MRTFB: variants seen among roughly 807,000 people sequenced by gnomAD.
MRTFB encodes myocardin-related transcription factor B.
Under a neutral mutation model 104.2 loss-of-function variants are expected in MRTFB, and 29 were observed. The ratio of observed to expected loss-of-function variants is 0.28; its 90% confidence interval spans 0.21 to 0.38. MRTFB has a LOEUF of 0.38. Among genes scored for constraint, MRTFB ranks in the 10% least tolerant of loss-of-function variants. MRTFB has a pLI of 1.00. For missense variants in MRTFB, 1,270 were observed against 1,341.6 expected, an observed-to-expected ratio of 0.95 and a Z score of 0.83; for synonymous variants, 535 against 519.5, an observed-to-expected ratio of 1.03 and a Z score of -0.41.
chr16:14,115,470 A>C (rs1029177487), intron 2 of MRTFB, among the ~76,000 whole-genome samples: 7 of 152,172 alleles, frequency 4.6e-5, no homozygotes, highest in Admixed American at 6.5e-5. Flanking sequence ...TCAGTAACCT[A>C]ATTTGCCCCA....
chr16:14,098,044 C>T (rs1364928307), intron 2 of MRTFB, among the ~76,000 whole-genome samples: 1 of 152,134 alleles, frequency 6.6e-6, no homozygotes, highest in Admixed American at 6.5e-5. Flanking sequence ...TGGGCTATTA[C>T]AAATAAAATC....
At chr16:14,124,620 C>G (rs144217817) in intron 2 of MRTFB, among the ~76,000 whole-genome samples, 1 of 152,008 alleles carries the variant, frequency 6.6e-6, no homozygotes, top group East Asian at 1.9e-4. Context: ...GAAGCCGACT[C>G]GTGGTGGATG....
At chr16:14,130,326 TTCTAGAGTTCTGAAAC>T (rs1003682883) in intron 2 of MRTFB, among the ~76,000 whole-genome samples, 1 of 152,212 alleles carries the variant, frequency 6.6e-6, no homozygotes, top group Non-Finnish European at 1.5e-5. Flanking sequence ...TTTTGTCAAT[TTCTAGAGTTCTGAAAC>T]CATTGTTTTT....
At chr16:14,093,806 C>T (rs746797481) in intron 2 of MRTFB, among the ~76,000 whole-genome samples, 1 of 152,108 alleles carries the variant, frequency 6.6e-6, no homozygotes, top group Non-Finnish European at 1.5e-5. Context: ...ATTTCTGTGC[C>T]AGGATCCCAG....
At chr16:14,007,213 C>A in the MRTFB span, among the ~76,000 whole-genome samples, 2 of 152,164 alleles carry the variant, frequency 1.3e-5, 1 homozygote, top group African/African-American at 4.8e-5. Flanking sequence ...CATCACCCAC[C>A]AGTCTCCCCA....
chr16:14,156,909 T>G (rs190380637), intron 3 of MRTFB, among the ~76,000 whole-genome samples: 63 of 152,232 alleles, frequency 4.1e-4, no homozygotes, highest in Admixed American at 1.0e-3. Context: ...GAATAATAGA[T>G]CTATCACGGG....
At position 14,231,264 on chromosome 16, in the gene MRTFB, C is replaced by T. The variant is rs534930992; in HGVS notation, c.694-2882C>T. On this transcript the variant is annotated intron_variant, in intron 8 of 16. Transcript: ENST00000571589. Reference sequence around the variant, plus strand: ...TAACCTGCACATTGTGCACATGTACCCTAAAACTTAAAGTATAATAATAAT... The same window carrying T: ...TAACCTGCACATTGTGCACATGTACTCTAAAACTTAAAGTATAATAATAAT... Among the ~76,000 whole-genome samples, 523 of 150,220 alleles carry T rather than the reference C, an allele frequency of 3.5e-3. 3 individuals carry two copies. Among genetic ancestry groups the T allele is most frequent in the African/African-American group, 0.013 (506 of 40,388 alleles).
chr16:14,017,641 GTA>G, the MRTFB span, among the ~76,000 whole-genome samples: 626 of 58,950 alleles, frequency 0.011, 58 homozygotes, highest in African/African-American at 0.035. Context: ...ATATATATAT[GTA>G]TATATGTGTG....
Position 14,261,278 on chromosome 16 carries a change from CCTGT to C in MRTFB, c.3141_3144del (p.Leu1049ThrfsTer40). 1 of 1,614,142 alleles carries C rather than the reference CCTGT, an allele frequency of 6.2e-7. No homozygotes were observed. Among genetic ancestry groups the C allele is most frequent in the Non-Finnish European group, 8.5e-7 (1 of 1,180,028 alleles). ...GAGACCCAGTTTGCTGCAGGTACTC[CCTGT>C]CTGTCTCTCGACCTGTCAGACTCAA... On this transcript the variant is annotated frameshift_variant, in exon 17 of 17. Transcript: ENST00000571589. LOFTEE classifies it high-confidence loss of function.
intron 3 of MRTFB, among the ~76,000 whole-genome samples, chr16:14,164,157 G>T (rs1236854139): frequency 6.6e-6 from 1 of 152,068 alleles, no homozygotes; most frequent in African/African-American, 2.4e-5. Flanking sequence ...AATTCCTTCT[G>T]TCTACCTGTA....
At chr16:14,005,633 T>A in the MRTFB span, among the ~76,000 whole-genome samples, 2 of 152,224 alleles carry the variant, frequency 1.3e-5, no homozygotes, top group African/African-American at 4.8e-5. Context: ...AAGGCCGTAC[T>A]ATTTTCTGCA....
At chr16:14,161,057 T>C (rs1409977424) in intron 3 of MRTFB, among the ~76,000 whole-genome samples, 2 of 151,586 alleles carry the variant, frequency 1.3e-5, no homozygotes, top group Non-Finnish European at 2.9e-5. Context: ...GCTTCTATTC[T>C]GTTCTGTTTT....
rs2034780960 is a variant in MRTFB at position 14,087,376 on chromosome 16, CTT to C, written c.-64+8024_-64+8025del. On this transcript the variant is annotated intron_variant, in intron 2 of 16. Coordinates refer to ENST00000571589, the MANE Select transcript of MRTFB (RefSeq NM_001308142.2). ...TTTCCTTCCTTCCTAACTCTGGGCACTTTGTTTAGTGTTGCGGCATGCTGGAA... is the reference window on the plus strand; with the variant it reads ...TTTCCTTCCTTCCTAACTCTGGGCACTGTTTAGTGTTGCGGCATGCTGGAA... Among the ~76,000 whole-genome samples the C allele has an allele frequency of 2.6e-5, 4 of 152,122 alleles. No homozygotes were observed. The South Asian group carries it at 8.3e-4, about 32-fold the overall frequency.
chr16:14,215,649 T>A (rs1263348643), intron 6 of MRTFB, among the ~76,000 whole-genome samples: 2 of 152,266 alleles, frequency 1.3e-5, no homozygotes, highest in African/African-American at 4.8e-5. Flanking sequence ...GTAATTCTTA[T>A]GTTCTGATTC....
rs2043928344 is a variant in MRTFB at position 14,265,801 on chromosome 16, T to G, written c.*4357T>G. ...GTGTCACAGCTTTGTGACAATAAGA[T>G]GGCAATCTCGGATCTACAAGGTGCT... On this transcript the variant is annotated 3_prime_UTR_variant, in exon 17 of 17. Coordinates refer to ENST00000571589, the MANE Select transcript of MRTFB (RefSeq NM_001308142.2). The G allele has an allele frequency of 6.6e-6, 1 of 152,246 alleles. No individual in the cohort carries two copies. The highest frequency in any genetic ancestry group is 1.5e-5 in the Non-Finnish European group (1 of 68,054). 9.4% of individuals were successfully genotyped at this position (152,246 alleles called of 1,614,324 possible). A position where few individuals can be genotyped will look rare whatever the true frequency, so the allele number is the denominator to read the frequency against.
At chr16:14,232,268 G>C (rs2042300351) in intron 8 of MRTFB, among the ~76,000 whole-genome samples, 1 of 152,180 alleles carries the variant, frequency 6.6e-6, no homozygotes, top group South Asian at 2.1e-4. Flanking sequence ...GCCAAGGAAT[G>C]TTTTCCCCTC....
intron 2 of MRTFB, among the ~76,000 whole-genome samples, chr16:14,134,386 G>C (rs1050107661): frequency 2.0e-5 from 3 of 152,232 alleles, no homozygotes; most frequent in Non-Finnish European, 4.4e-5. Context: ...AAGATGTCCT[G>C]TTTATATGTA....
intron 15 of MRTFB, among the ~76,000 whole-genome samples, chr16:14,253,141 G>C (rs1368307006): frequency 6.6e-6 from 1 of 152,150 alleles, no homozygotes; most frequent in Non-Finnish European, 1.5e-5. Context: ...AAGAAGTTAG[G>C]GTTCCTATTT....
At chr16:14,129,936 C>A (rs1230152174) in intron 2 of MRTFB, among the ~76,000 whole-genome samples, 1 of 152,214 alleles carries the variant, frequency 6.6e-6, no homozygotes, top group Non-Finnish European at 1.5e-5. Context: ...TCAAGCAATT[C>A]TCCTGCCTCA....
Sources: allele counts gnomAD v4.1 joint callset (sites outside exome capture counted in the v4.1 genomes callset), GRCh38; gene constraint gnomAD v4.1.1; transcripts MANE v1.5; gene names NCBI Gene and HGNC (gene_info 2026-07-23, HGNC 2026-07-21).